Variants in LRRC4C observed in about 807,000 individuals in gnomAD.
The protein encoded by LRRC4C is leucine-rich repeat-containing protein 4C.
Under a neutral mutation model 33.6 loss-of-function variants are expected in LRRC4C, and 5 were observed. The observed-to-expected ratio is 0.15, with a 90% confidence interval of 0.08 to 0.31. The LOEUF (loss-of-function observed/expected upper bound fraction) is 0.31. Ranked by LOEUF, LRRC4C falls within the 10% of genes least tolerant of loss-of-function variation. The probability of loss-of-function intolerance (pLI) is 1.00; values close to 1 mark genes in which losing one functional copy is unlikely to be tolerated. For synonymous variants in LRRC4C, 329 were observed against 302.0 expected, an observed-to-expected ratio of 1.09 and a Z score of -0.93; for missense variants, 560 against 796.7, an observed-to-expected ratio of 0.70 and a Z score of 3.58.
intron 1 of LRRC4C, among the ~76,000 whole-genome samples, chr11:41,342,259 T>C (rs1242295935): frequency 6.6e-6 from 1 of 152,212 alleles, no homozygotes; most frequent in East Asian, 1.9e-4. Flanking sequence ...TATTATGCTA[T>C]TAGGTCATTA....
intron 1 of LRRC4C, among the ~76,000 whole-genome samples, chr11:41,193,759 A>G (rs1024732066): frequency 3.3e-5 from 5 of 152,144 alleles, no homozygotes; most frequent in Non-Finnish European, 5.9e-5. Context: ...AAACAAGTTG[A>G]CATTAGTCAA....
chr11:40,453,168 A>C lies in LRRC4C; in HGVS notation c.-269-133447T>G, dbSNP rs1248165290. ...GCACATTGTGCACATGTACCCTAAA[A>C]CTTAAAGTATAATAAAAAAATGTTG... On this transcript the variant is annotated intron_variant, in intron 3 of 6. Coordinates refer to ENST00000528697, the MANE Select transcript of LRRC4C (RefSeq NM_001258419.2). 7.2e-4 allele frequency among the ~76,000 whole-genome samples: 99 copies of C among 138,034 alleles called. 1 individual carries two copies. The highest frequency in any genetic ancestry group is 1.3e-4 in the Non-Finnish European group (8 of 62,538). The allele number at this position is 138,034 out of a possible 152,430, so 90.6% of individuals were successfully genotyped here. A position where few individuals can be genotyped will look rare whatever the true frequency, so the allele number is the denominator to read the frequency against.
rs193153946 is a variant in LRRC4C at position 40,465,390 on chromosome 11, A to G, written c.-269-145669T>C. Among the ~76,000 whole-genome samples, 110 of 152,150 alleles carry G rather than the reference A, an allele frequency of 7.2e-4. 1 individual carries two copies. The highest frequency in any genetic ancestry group is 1.3e-3 in the Non-Finnish European group (88 of 67,922). On this transcript the variant is annotated intron_variant, in intron 3 of 6. Coordinates refer to ENST00000528697, the MANE Select transcript of LRRC4C (RefSeq NM_001258419.2). ...AAATCTAGAGAAAATTCTTCTGGAC[A>G]TAGGGCTACATTAAGAATTCATGAC... is the stretch of plus-strand genomic sequence containing the variant.
intron 1 of LRRC4C, among the ~76,000 whole-genome samples, chr11:41,245,418 C>T (rs1466801032): frequency 3.3e-5 from 5 of 152,196 alleles, no homozygotes; most frequent in Admixed American, 1.3e-4. Flanking sequence ...GCCAGGCATC[C>T]CGGCCAAGGC....
intron 5 of LRRC4C, among the ~76,000 whole-genome samples, chr11:40,227,681 T>G (rs1347402392): frequency 6.6e-6 from 1 of 152,026 alleles, no homozygotes; most frequent in Non-Finnish European, 1.5e-5. Flanking sequence ...GTTATGGTTA[T>G]GTAAACTGTA....
At chr11:41,014,800 G>A (rs565958487) in intron 1 of LRRC4C, among the ~76,000 whole-genome samples, 3 of 152,168 alleles carry the variant, frequency 2.0e-5, no homozygotes, top group African/African-American at 7.2e-5. Context: ...GACTTTCAGG[G>A]CTGAAGCCAG....
At chr11:40,519,434 C>T (rs1955713524) in intron 3 of LRRC4C, among the ~76,000 whole-genome samples, 2 of 152,102 alleles carry the variant, frequency 1.3e-5, no homozygotes, top group Non-Finnish European at 2.9e-5. Flanking sequence ...ACAATGATTT[C>T]TTCTTAGGTG....
At chr11:41,358,710 A>G (rs1457270231) in intron 1 of LRRC4C, among the ~76,000 whole-genome samples, 1 of 152,130 alleles carries the variant, frequency 6.6e-6, no homozygotes, top group South Asian at 2.1e-4. Flanking sequence ...GAATGGCCCA[A>G]ATCTGGAACA....
chr11:41,170,477 C>A (rs1374700919), intron 1 of LRRC4C, among the ~76,000 whole-genome samples: 3 of 152,104 alleles, frequency 2.0e-5, no homozygotes, highest in African/African-American at 7.2e-5. Flanking sequence ...TGATCTTTGA[C>A]AAGCCTGACA....
chr11:41,301,658 T>C (rs1375517925), intron 1 of LRRC4C, among the ~76,000 whole-genome samples: 2 of 152,178 alleles, frequency 1.3e-5, no homozygotes, highest in Admixed American at 6.5e-5. Context: ...CTGTCAGATA[T>C]TAAATAATTT....
intron 2 of LRRC4C, among the ~76,000 whole-genome samples, chr11:40,836,639 T>A (rs1193935034): frequency 6.6e-6 from 1 of 152,180 alleles, no homozygotes; most frequent in Non-Finnish European, 1.5e-5. Flanking sequence ...GTTTTGCTGT[T>A]GTTGTTTAAG....
intron 4 of LRRC4C, among the ~76,000 whole-genome samples, chr11:40,246,679 TC>T (rs2136140012): frequency 6.6e-6 from 1 of 152,288 alleles, no homozygotes; most frequent in South Asian, 2.1e-4. Context: ...AGCCCTCAAA[TC>T]ATTCTATACC....
chr11:40,595,871 A>T (rs1959233866), intron 3 of LRRC4C, among the ~76,000 whole-genome samples: 1 of 152,170 alleles, frequency 6.6e-6, no homozygotes, highest in Non-Finnish European at 1.5e-5. Flanking sequence ...ATAGAAGCAG[A>T]GTGGCTTGGA....
chr11:41,033,597 CCACT>C (rs1211057037), intron 1 of LRRC4C, among the ~76,000 whole-genome samples: 1 of 152,042 alleles, frequency 6.6e-6, no homozygotes, highest in African/African-American at 2.4e-5. Flanking sequence ...GGGCATTTGT[CCACT>C]GGTTTCATAT....
rs367876429 is a variant in LRRC4C, at chr11:40,854,568, A to C, written c.-407+79067T>G. Among the ~76,000 whole-genome samples, 28 of 152,002 alleles carry C rather than the reference A, an allele frequency of 1.8e-4. No individual in the cohort carries two copies. In the South Asian group the frequency reaches 5.2e-3, roughly 28 times the overall value. On this transcript the variant is annotated intron_variant, in intron 2 of 6. Coordinates refer to ENST00000528697, the MANE Select transcript of LRRC4C (RefSeq NM_001258419.2). ...TCAGCTGTGGACTTTTTTCATTTTTAGTTGTTAGCTATAAGTAGTTATGAT... is the reference window on the plus strand; with the variant it reads ...TCAGCTGTGGACTTTTTTCATTTTTCGTTGTTAGCTATAAGTAGTTATGAT...
At chr11:40,409,794 A>G (rs565060289) in intron 3 of LRRC4C, among the ~76,000 whole-genome samples, 26 of 152,208 alleles carry the variant, frequency 1.7e-4, no homozygotes, top group South Asian at 6.2e-4. Flanking sequence ...AATGTAAATT[A>G]GTATAAGCAT....
chr11:40,364,074 C>T (rs1439946485), intron 3 of LRRC4C, among the ~76,000 whole-genome samples: 1 of 152,004 alleles, frequency 6.6e-6, no homozygotes, highest in Non-Finnish European at 1.5e-5. Flanking sequence ...TAAAATAGCA[C>T]TATGTAACTT....
chr11:41,302,277 T>A (rs1950308537), intron 1 of LRRC4C, among the ~76,000 whole-genome samples: 1 of 152,152 alleles, frequency 6.6e-6, no homozygotes, highest in Non-Finnish European at 1.5e-5. Flanking sequence ...ACTGTAACCT[T>A]ATTGAAGTGT....
intron 3 of LRRC4C, among the ~76,000 whole-genome samples, chr11:40,494,328 A>G (rs1408949885): frequency 2.6e-5 from 4 of 152,170 alleles, no homozygotes; most frequent in Non-Finnish European, 5.9e-5. Context: ...ATATTCTACA[A>G]AGTTCATGTT....
Sources: gnomAD v4.1 joint callset for allele counts (sites outside exome capture counted in the v4.1 genomes callset) on GRCh38, gnomAD v4.1.1 for gene constraint, MANE v1.5 for transcripts, NCBI Gene and HGNC (gene_info 2026-07-23, HGNC 2026-07-21) for gene names.